Variants in DNAH5 observed in about 807,000 individuals in gnomAD.
The protein encoded by DNAH5 is axonemal beta dynein heavy chain 5.
Under a neutral mutation model 518.2 loss-of-function variants are expected in DNAH5, and 372 were observed. The observed-to-expected ratio is 0.72, with a 90% CI of 0.66 to 0.78. The LOEUF (loss-of-function observed/expected upper bound fraction) is 0.78, where lower values mean the gene tolerates loss of function less well. Among genes scored for constraint, DNAH5 ranks in the 30% least tolerant of loss-of-function variants. The pLI, the probability that DNAH5 is intolerant of heterozygous loss-of-function variation, is 0.00. For synonymous variants in DNAH5, 2,039 were observed against 2,025.9 expected, an observed-to-expected ratio of 1.01 and a Z score of -0.17; for missense variants, 5,523 against 5,687.0, an observed-to-expected ratio of 0.97 and a Z score of 0.93.
chr5:13,914,049 G>T, intron 10 of DNAH5, 91 bp from the exon 11 acceptor site: 1 of 1,465,722 alleles, frequency 6.8e-7, no homozygotes. Flanking sequence ...AATTAGGATG[G>T]AATTGTAAGC....
chr5:13,875,462 C>T (rs1770749279), intron 22 of DNAH5, among the ~76,000 whole-genome samples: 1 of 63,472 alleles, frequency 1.6e-5, no homozygotes, highest in South Asian at 7.3e-4. Flanking sequence ...AGTGAAACTC[C>T]TTCAAAAAAA....
rs188220951 is a variant in DNAH5 at position 13,739,832 on chromosome 5, C to T, written c.11212-2337G>A. ...ATTTTTAGTACTTAGTTTATGCTTA[C>T]GAGAAACTTATCCCCATACTACTCC... On this transcript the variant is annotated intron_variant, in intron 65 of 78. Transcript: ENST00000265104. 4.9e-4 allele frequency among the ~76,000 whole-genome samples: 74 copies of T among 152,198 alleles called. 2 individuals are homozygous for T. In the East Asian group the frequency reaches 6.8e-3, roughly 14 times the overall value.
rs1443979973 is a variant in DNAH5 at position 13,737,104 on chromosome 5, A to G, written c.11455+148T>C. 4 of 1,319,898 alleles carry G rather than the reference A, an allele frequency of 3.0e-6. No homozygotes were observed. The African/African-American group carries it at 5.8e-5, about 19-fold the overall frequency. 81.8% of individuals were successfully genotyped at this position (1,319,898 alleles called of 1,614,324 possible). A position where few individuals can be genotyped will look rare whatever the true frequency, so the allele number is the denominator to read the frequency against. On this transcript the variant is annotated intron_variant, in intron 66 of 78. Transcript: ENST00000265104. ...ATAAAAAATTTTTGACCTCCATTTT[A>G]CGGAATATTTCCCAACAGAAATTCC...
At position 13,957,894 on chromosome 5, in the gene DNAH5, C is replaced by T. The variant is rs73043320; in HGVS notation, c.13-26650G>A. Among the ~76,000 whole-genome samples, 407 of 151,532 alleles carry T rather than the reference C, an allele frequency of 2.7e-3. 3 individuals are homozygous for T. The highest frequency in any genetic ancestry group is 9.3e-3 in the African/African-American group (385 of 41,470). Reference sequence around the variant, plus strand: ...ATCACCATAATATGAACACTATTAACATATATTCTTCTACTCCATGAGCAA... The same window carrying T: ...ATCACCATAATATGAACACTATTAATATATATTCTTCTACTCCATGAGCAA... On this transcript the variant is annotated intron_variant, in intron 1 of 78. Coordinates refer to the DNAH5 transcript ENST00000681290.
Position 13,758,992 on chromosome 5 carries a change from G to A in DNAH5, c.10282-9C>T. The A allele has an allele frequency of 6.2e-7, 1 of 1,614,022 alleles. No homozygotes were observed. Among genetic ancestry groups the A allele is most frequent in the East Asian group, 2.2e-5 (1 of 44,890 alleles). On this transcript the variant is annotated splice_polypyrimidine_tract_variant and intron_variant, in intron 60 of 78. Transcript: ENST00000265104. ...TGCACCACCAAGTTGGCCTGCACAG[G>A]ACACACACAGAGTGAAGAGATGGGC...
chr5:13,857,715 T>C (rs1160844050), intron 30 of DNAH5, among the ~76,000 whole-genome samples: 8 of 152,050 alleles, frequency 5.3e-5, no homozygotes, highest in Admixed American at 5.2e-4. Flanking sequence ...ACCACACATC[T>C]ACAAACATCT....
At position 13,830,593 on chromosome 5, in the gene DNAH5, A is replaced by G; in HGVS notation, c.6061+4T>C. ...CTCACCAGATTAAAAAATATAACCCATACCCTTAAAAATCCGTCCAAGTCC... is the reference window on the plus strand; with the variant it reads ...CTCACCAGATTAAAAAATATAACCCGTACCCTTAAAAATCCGTCCAAGTCC... On this transcript the variant is annotated splice_donor_region_variant and intron_variant, in intron 36 of 78. Coordinates refer to ENST00000265104, the MANE Select transcript of DNAH5 (RefSeq NM_001369.3). 5 of 1,614,038 alleles carry G rather than the reference A, an allele frequency of 3.1e-6. No individual in the cohort carries two copies. The highest frequency in any genetic ancestry group is 4.2e-6 in the Non-Finnish European group (5 of 1,179,898).
intron 1 of DNAH5, among the ~76,000 whole-genome samples, chr5:13,940,162 C>T (rs1389034591): frequency 2.6e-5 from 4 of 152,110 alleles, no homozygotes; most frequent in African/African-American, 4.8e-5. Flanking sequence ...AGGCATATCC[C>T]GGTGTCCACA....
At position 14,009,887 on chromosome 5, in the gene DNAH5, A is replaced by G. The variant is rs184225755; in HGVS notation, c.12+1761T>C. ...CTTAGGAGAAGAATGTTGTGCAAAC[A>G]TTTTTGAGGTCACTATTCTTCATAA... On this transcript the variant is annotated intron_variant, in intron 1 of 78. Transcript: ENST00000681290. Among the ~76,000 whole-genome samples the G allele has an allele frequency of 9.2e-5, 14 of 152,346 alleles. No individual in the cohort carries two copies. In the East Asian group the frequency reaches 1.7e-3, roughly 19 times the overall value.
chr5:13,943,667 T>C (rs1484188963), intron 1 of DNAH5, among the ~76,000 whole-genome samples: 3 of 152,144 alleles, frequency 2.0e-5, no homozygotes, highest in Non-Finnish European at 4.4e-5. Context: ...CAGAGGTAGA[T>C]GCCTGCTCTT....
intron 35 of DNAH5, among the ~76,000 whole-genome samples, chr5:13,834,245 AT>A (rs1479000368): frequency 1.3e-5 from 2 of 150,846 alleles, no homozygotes; most frequent in Non-Finnish European, 3.0e-5. Context: ...TATAAAAAAA[AT>A]ACAAGACAAT....
At chr5:13,694,988 G>A (rs1306039387) in intron 78 of DNAH5, among the ~76,000 whole-genome samples, 3 of 152,198 alleles carry the variant, frequency 2.0e-5, no homozygotes, top group Non-Finnish European at 4.4e-5. Flanking sequence ...ACAGAAGGAG[G>A]TGAGTTGTCC....
At chr5:13,769,849 G>A (rs955244574) in intron 56 of DNAH5, among the ~76,000 whole-genome samples, 2 of 152,158 alleles carry the variant, frequency 1.3e-5, no homozygotes, top group African/African-American at 2.4e-5. Context: ...TAGAACACAC[G>A]ACATGAAATT....
chr5:13,933,491 TAAAG>T (rs1778618846), intron 1 of DNAH5, among the ~76,000 whole-genome samples: 1 of 151,956 alleles, frequency 6.6e-6, no homozygotes, highest in African/African-American at 2.4e-5. Flanking sequence ...GAAGTGCAAA[TAAAG>T]AAAGCTAAGG....
At chr5:13,945,015 A>G (rs1387239302), upstream of DNAH5, among the ~76,000 whole-genome samples, 2 of 152,230 alleles carry the variant, frequency 1.3e-5, no homozygotes, top group Admixed American at 1.3e-4. Flanking sequence ...ATTGTGACTA[A>G]TTGCCAGATA....
At chr5:14,000,678 A>G (rs1010535307) in intron 1 of DNAH5, among the ~76,000 whole-genome samples, 13 of 151,866 alleles carry the variant, frequency 8.6e-5, no homozygotes, top group African/African-American at 3.1e-4. Flanking sequence ...GGGAAAAGGG[A>G]ATGCTTATTA....
chr5:13,701,586 T>C, intron 76 of DNAH5, 150 bp from the exon 77 acceptor site: 1 of 740,000 alleles, frequency 1.4e-6, no homozygotes, highest in South Asian at 1.8e-5. Context: ...CCCTGGATTC[T>C]GGCGTAAGTG....
At chr5:13,872,035 T>C (rs1367995086) in intron 22 of DNAH5, among the ~76,000 whole-genome samples, 1 of 152,220 alleles carries the variant, frequency 6.6e-6, no homozygotes, top group Admixed American at 6.5e-5. Flanking sequence ...GAAGATCCTG[T>C]GGACAGGGCC....
chr5:13,692,038 C>A lies in DNAH5; in HGVS notation c.13821G>T (p.Gln4607His). 2 of 1,614,098 alleles carry A rather than the reference C, an allele frequency of 1.2e-6. No homozygotes were observed. Among genetic ancestry groups the A allele is most frequent in the Non-Finnish European group, 1.7e-6 (2 of 1,180,000 alleles). ...CACGGAGCACCCAGTGTTCAGGGGT[C>A]TGGGCTGTCCTGAGATCCACAGCGG... Reference protein sequence around the residue: ...YIAAVDLRTAQTPEHWVLRGV... With the variant: ...YIAAVDLRTAHTPEHWVLRGV... The change falls in exon 79 of 79, where the codon CAG becomes CAT. Residue 4607 changes from glutamine to histidine, a missense_variant. By Grantham distance (24) the Gln-to-His change is conservative. This residue lies in a region of DNAH5 where 387 missense variants were observed against 430.0 expected (regional missense o/e 0.90). Coordinates refer to ENST00000265104, the MANE Select transcript of DNAH5 (RefSeq NM_001369.3).
Sources: allele counts gnomAD v4.1 joint callset (sites outside exome capture counted in the v4.1 genomes callset), GRCh38; gene constraint gnomAD v4.1.1; regional missense constraint gnomAD v4.1.1; transcripts MANE v1.5; gene names NCBI Gene and HGNC (gene_info 2026-07-23, HGNC 2026-07-21).